Variants in APC observed in about 807,000 individuals in gnomAD.
APC encodes the protein APC regulator of Wnt signaling pathway.
In APC, 72 loss-of-function variants were observed where a neutral mutation model predicts 247.0. That is an observed-to-expected ratio of 0.29 (90% CI 0.24 to 0.35). The LOEUF is 0.35. Ranked by LOEUF, APC falls within the 10% of genes least tolerant of loss-of-function variation. The pLI is 1.00. For synonymous variants in APC, 1,254 were observed against 1,162.5 expected, an observed-to-expected ratio of 1.08 and a Z score of -1.60; for missense variants, 3,400 against 3,360.7, an observed-to-expected ratio of 1.01 and a Z score of -0.29.
At chr5:112,765,952 T>C (rs879032672) in intron 2 of APC, among the ~76,000 whole-genome samples, 1 of 152,222 alleles carries the variant, frequency 6.6e-6, no homozygotes, top group African/African-American at 2.4e-5. Context: ...TGGTGCACGC[T>C]TAAGAGACAT....
chr5:112,742,038 G>A (rs1753096128), intron 1 of APC, among the ~76,000 whole-genome samples: 1 of 152,102 alleles, frequency 6.6e-6, no homozygotes, highest in African/African-American at 2.4e-5. Context: ...GACACTTCAG[G>A]TTGTTTCCAC....
intron 15 of APC, among the ~76,000 whole-genome samples, chr5:112,836,001 A>G (rs1580609109): frequency 6.9e-6 from 1 of 144,638 alleles, no homozygotes. Context: ...CAACAAAAAT[A>G]CAACTGTCTT....
At position 112,766,353 on chromosome 5, in the gene APC, A is replaced by G. The variant is rs760158426; in HGVS notation, c.163A>G (p.Ile55Val). 8.1e-6 allele frequency: 13 copies of G among 1,610,850 alleles called. No individual in the cohort carries two copies. Among genetic ancestry groups the G allele is most frequent in the Non-Finnish European group, 1.1e-5 (13 of 1,177,338 alleles). ...AGTACTTAAACAACTACAAGGAAGT[A>G]TTGAAGATGAAGCTATGGCTTCTTC... ...KEVLKQLQGS[I>V]EDEAMASSGQ... The change falls in exon 3 of 16, where the codon ATT (isoleucine) becomes GTT (valine). Residue 55 changes from isoleucine to valine, a missense_variant. Ile to Val is a conservative substitution (Grantham distance 29, BLOSUM62 3). Transcript: ENST00000257430.
Position 112,723,444 on chromosome 5 carries a change from C to CA in APC, c.165+15563dup, listed in dbSNP as rs112051391. On this transcript the variant is annotated intron_variant, in intron 1 of 13. Coordinates refer to the APC transcript ENST00000507379. Reference sequence around the variant, plus strand: ...GCCACTGCACTCCAGCCTGGGGTGACAGAGTCAGACCCCATCTCAAAAAAA... The same window carrying CA: ...GCCACTGCACTCCAGCCTGGGGTGACAAGAGTCAGACCCCATCTCAAAAAAA... Among the ~76,000 whole-genome samples the CA allele has an allele frequency of 5.0e-3, 762 of 151,816 alleles. 9 individuals are homozygous for CA. The highest frequency in any genetic ancestry group is 0.018 in the African/African-American group (729 of 41,398).
rs151286353 is a variant in APC at position 112,838,917 on chromosome 5, A to G, written c.3323A>G (p.Asn1108Ser). The change falls in exon 16 of 16, where the codon AAT (asparagine) becomes AGT (serine). Residue 1108 changes from asparagine (N) to serine (S), a missense_variant. Asn to Ser is a conservative substitution (Grantham distance 46). Coordinates refer to ENST00000257430, the MANE Select transcript of APC (RefSeq NM_000038.6). ...TCTCCATACAGGTCACGGGGAGCCA[A>G]TGGTTCAGAAACAAATCGAGTGGGT... Reference protein sequence around the residue: ...CVSPYRSRGANGSETNRVGSN... With the variant: ...CVSPYRSRGASGSETNRVGSN... 42 of 1,614,144 alleles carry G rather than the reference A, an allele frequency of 2.6e-5. No homozygotes were observed. Among genetic ancestry groups the G allele is most frequent in the Admixed American group, 8.3e-5 (5 of 60,026 alleles).
intron 7 of APC, among the ~76,000 whole-genome samples, chr5:112,799,117 G>T (rs184641100): frequency 3.6e-4 from 51 of 141,746 alleles, no homozygotes; most frequent in Non-Finnish European, 1.2e-4. Context: ...GCTGAGGCAT[G>T]AGAATCGTTT....
chr5:112,820,533 C>CT (rs1309691599), intron 10 of APC, among the ~76,000 whole-genome samples: 1 of 152,066 alleles, frequency 6.6e-6, no homozygotes, highest in Middle Eastern at 3.2e-3. Flanking sequence ...CCTTTCATAT[C>CT]TATTTGTCCT....
At chr5:112,795,127 A>C (rs998268876) in intron 7 of APC, among the ~76,000 whole-genome samples, 1 of 152,116 alleles carries the variant, frequency 6.6e-6, no homozygotes, top group Non-Finnish European at 1.5e-5. Context: ...CCTGGGTTCA[A>C]GCGATTCTCC....
chr5:112,754,116 T>C (rs17134903), intron 1 of APC, among the ~76,000 whole-genome samples: 3,716 of 152,326 alleles, frequency 0.024, 155 homozygotes, highest in African/African-American at 0.085. Context: ...TCTCTACTCC[T>C]AAGGTCATCC....
At chr5:112,760,319 C>G (rs1006293003) in intron 2 of APC, among the ~76,000 whole-genome samples, 2 of 152,058 alleles carry the variant, frequency 1.3e-5, no homozygotes, top group Non-Finnish European at 2.9e-5. Context: ...AGATATTGGC[C>G]GAGTCTTGTA....
rs911254943 is a variant in APC, at chr5:112,826,597, A to C, written c.1409-511A>C. ...ATGATCATTTTTTGTAAAAAAAAAA[A>C]AAAACAAAACTTTTTAGTTTTTCTT... On this transcript the variant is annotated intron_variant, in intron 11 of 15. Coordinates refer to ENST00000257430, the MANE Select transcript of APC (RefSeq NM_000038.6). Among the ~76,000 whole-genome samples, 104 of 125,858 alleles carry C rather than the reference A, an allele frequency of 8.3e-4. 1 individual carries two copies. Among genetic ancestry groups the C allele is most frequent in the African/African-American group, 2.4e-3 (84 of 35,508 alleles). The allele number at this position is 125,858 out of a possible 152,430, so 82.6% of individuals were successfully genotyped here.
intron 14 of APC, among the ~76,000 whole-genome samples, chr5:112,833,884 C>G (rs1344728227): frequency 6.6e-6 from 1 of 152,098 alleles, no homozygotes; most frequent in Non-Finnish European, 1.5e-5. Flanking sequence ...CTGCAACTTG[C>G]TCTTGTCATT....
chr5:112,717,908 C>CTTTTTTTTTTTTTTTT, intron 1 of APC, among the ~76,000 whole-genome samples: 578 of 40,670 alleles, frequency 0.014, 165 homozygotes, highest in African/African-American at 0.016. Context: ...TTTTCTTTTT[C>CTTTTTTTTTTTTTTTT]TTTTTTTTTT....
chr5:112,733,731 G>T (rs77941109), upstream of APC, among the ~76,000 whole-genome samples: 1 of 152,092 alleles, frequency 6.6e-6, no homozygotes, highest in Admixed American at 6.5e-5. Context: ...ATTTGTTTTG[G>T]CAGCCATAGG....
At chr5:112,799,446 C>CT (rs1760566987) in intron 7 of APC, among the ~76,000 whole-genome samples, 1 of 152,104 alleles carries the variant, frequency 6.6e-6, no homozygotes, top group Non-Finnish European at 1.5e-5. Flanking sequence ...AGATTTACCT[C>CT]TATGTCTCCA....
At chr5:112,804,820 T>G (rs1247690267) in intron 8 of APC, among the ~76,000 whole-genome samples, 1 of 152,038 alleles carries the variant, frequency 6.6e-6, no homozygotes, top group Non-Finnish European at 1.5e-5. Flanking sequence ...ATAGGGAGAC[T>G]TTGCCTCTGC....
intron 5 of APC, among the ~76,000 whole-genome samples, chr5:112,776,745 G>A (rs1215563590): frequency 6.6e-6 from 1 of 152,062 alleles, no homozygotes; most frequent in Non-Finnish European, 1.5e-5. Flanking sequence ...GGAGGCTGAG[G>A]CAGGAAAAGC....
chr5:112,732,540 T>A (rs1026063042), intron 1 of APC, among the ~76,000 whole-genome samples: 1 of 152,244 alleles, frequency 6.6e-6, no homozygotes, highest in African/African-American at 2.4e-5. Flanking sequence ...ATTGCTCTAC[T>A]ATTATTCCGT....
At chr5:112,824,872 C>T (rs1763481734) in intron 11 of APC, among the ~76,000 whole-genome samples, 1 of 152,058 alleles carries the variant, frequency 6.6e-6, no homozygotes, top group Admixed American at 6.6e-5. Context: ...TGAAGCTCTG[C>T]CCTAGGCTCT....
Sources: allele counts gnomAD v4.1 joint callset (sites outside exome capture counted in the v4.1 genomes callset), GRCh38; gene constraint gnomAD v4.1.1; transcripts MANE v1.5; gene names NCBI Gene and HGNC (gene_info 2026-07-23, HGNC 2026-07-21).